YTHDC2: variants seen among roughly 807,000 people sequenced by gnomAD.
YTHDC2 encodes the protein 3'-5' RNA helicase YTHDC2.
In YTHDC2, 45 loss-of-function variants were observed where a neutral mutation model predicts 174.9. That is an observed-to-expected ratio of 0.26 (90% CI 0.20 to 0.33). The LOEUF (loss-of-function observed/expected upper bound fraction) is 0.33, where lower values mean the gene tolerates loss of function less well. YTHDC2 is among the 10% of genes least tolerant of loss of function. YTHDC2 has a pLI of 1.00. For missense variants in YTHDC2, 1,650 were observed against 1,723.7 expected, an observed-to-expected ratio of 0.96 and a Z score of 0.76; for synonymous variants, 657 against 574.5, an observed-to-expected ratio of 1.14 and a Z score of -2.05.
chr5:113,567,619 C>G, intron 22 of YTHDC2, 35 bp from the exon 23 acceptor site: 2 of 1,501,788 alleles, frequency 1.3e-6, no homozygotes, highest in Non-Finnish European at 1.8e-6. Flanking sequence ...GTGATAAACA[C>G]AATTAACAAT....
rs200712601 is a variant in YTHDC2 at position 113,565,888 on chromosome 5, T to C, written c.2716-5T>C. ...TCTTGTTATGCAATTATTCTCTTTT[T>C]ATAGGCCTGGCAAAAAGCACGAAGT... On this transcript the variant is annotated splice_region_variant and splice_polypyrimidine_tract_variant and intron_variant, in intron 20 of 29. Coordinates refer to ENST00000161863, the MANE Select transcript of YTHDC2 (RefSeq NM_022828.5). 33 of 1,610,734 alleles carry C rather than the reference T, an allele frequency of 2.0e-5. No individual in the cohort carries two copies. The East Asian group carries it at 7.1e-4, about 35-fold the overall frequency.
intron 17 of YTHDC2, among the ~76,000 whole-genome samples, chr5:113,558,878 CGCCAT>C (rs1372955269): frequency 1.8e-3 from 264 of 147,894 alleles, no homozygotes; most frequent in Non-Finnish European, 2.9e-3. Flanking sequence ...GCCGAGACCA[CGCCAT>C]TGCACTCCAG....
rs777084150 is a variant in YTHDC2 at position 113,594,399 on chromosome 5, G to A, written c.*925G>A. On this transcript the variant is annotated 3_prime_UTR_variant, in exon 30 of 30. Coordinates refer to ENST00000161863, the MANE Select transcript of YTHDC2 (RefSeq NM_022828.5). The stretch of plus-strand genomic sequence containing the variant: ...TCAACTGGTAGCTTGCTTGCTGTGC[G>A]TCTTCCAAACTAAAGCCTGCAAGCG... 2 of 152,140 alleles carry A rather than the reference G, an allele frequency of 1.3e-5. No homozygotes were observed. Among genetic ancestry groups the A allele is most frequent in the African/African-American group, 2.4e-5 (1 of 41,440 alleles). 9.4% of individuals were successfully genotyped at this position (152,140 alleles called of 1,614,324 possible).
At chr5:113,544,959 C>G (rs1775754978) in intron 10 of YTHDC2, among the ~76,000 whole-genome samples, 1 of 152,008 alleles carries the variant, frequency 6.6e-6, no homozygotes, top group South Asian at 2.1e-4. Context: ...TTTTTTTAAA[C>G]TTACGATTTT....
intron 27 of YTHDC2, 24 bp downstream of exon 27, chr5:113,591,268 A>C (rs1196277875): frequency 6.2e-7 from 1 of 1,612,168 alleles, no homozygotes; most frequent in Admixed American, 1.7e-5. Flanking sequence ...AATCAGTAAA[A>C]TGGGGTTGTT....
At position 113,584,369 on chromosome 5, in the gene YTHDC2, C is replaced by T. The variant is rs1423174268; in HGVS notation, c.3715C>T (p.His1239Tyr). 5 of 1,613,854 alleles carry T rather than the reference C, an allele frequency of 3.1e-6. No individual in the cohort carries two copies. The highest frequency in any genetic ancestry group is 4.2e-6 in the Non-Finnish European group (5 of 1,179,832). ...PQKYKDRGIL[H>Y]PKRGTEDRSD... ...GAAGTACAAAGATAGAGGAATTTTA[C>T]ATCCTAAACGAGGTACTGAGGACCG... The change falls in exon 26 of 30, where the codon CAT (histidine) becomes TAT (tyrosine). Residue 1239 changes from histidine (H) to tyrosine (Y), a missense_variant. Physicochemically the swap from His to Tyr is moderately conservative, Grantham distance 83. Transcript: ENST00000161863.
Position 113,553,977 on chromosome 5 carries a change from A to G in YTHDC2, c.2088A>G (p.Thr696=). Residue 696 remains threonine (T), a synonymous_variant, in exon 16 of 30, where the codon ACA becomes ACG. Coordinates refer to ENST00000161863, the MANE Select transcript of YTHDC2 (RefSeq NM_022828.5). ...CCAATATTGCTGAAACCAGCATCAC[A>G]GTCAATGATGTTGTCTTTGTTATTG... ...LSTNIAETSI[T]VNDVVFVIDS... 6.3e-7 allele frequency: 1 copy of G among 1,586,554 alleles called. No homozygotes were observed. The highest frequency in any genetic ancestry group is 8.6e-7 in the Non-Finnish European group (1 of 1,168,338).
chr5:113,521,102 T>C lies in YTHDC2; in HGVS notation c.279-3879T>C, dbSNP rs114073807. Among the ~76,000 whole-genome samples the C allele has an allele frequency of 6.5e-3, 992 of 152,340 alleles. 7 individuals are homozygous for C. The highest frequency in any genetic ancestry group is 0.022 in the African/African-American group (924 of 41,574). On this transcript the variant is annotated intron_variant, in intron 2 of 29. Coordinates refer to ENST00000161863, the MANE Select transcript of YTHDC2 (RefSeq NM_022828.5). ...TGCAAAGGACATGGTCTCATTCTTT[T>C]GTATGGCTGCATAGTATTCCATGGT...
chr5:113,550,727 A>T (rs556717198), intron 12 of YTHDC2, among the ~76,000 whole-genome samples: 1 of 152,182 alleles, frequency 6.6e-6, no homozygotes, highest in African/African-American at 2.4e-5. Context: ...AGTTTTTGTT[A>T]TAACTTCTAT....
At chr5:113,576,623 C>T (rs1047138603) in intron 23 of YTHDC2, among the ~76,000 whole-genome samples, 39 of 152,138 alleles carry the variant, frequency 2.6e-4, no homozygotes, top group African/African-American at 9.4e-4. Context: ...TTTAAAGATT[C>T]CTTCATTTGC....
intron 23 of YTHDC2, among the ~76,000 whole-genome samples, chr5:113,568,962 C>T (rs1777537986): frequency 6.6e-6 from 1 of 152,140 alleles, no homozygotes; most frequent in Admixed American, 6.6e-5. Context: ...AATTAATTTA[C>T]ACTAGTGTAA....
At chr5:113,574,795 A>C (rs2112767112) in intron 23 of YTHDC2, among the ~76,000 whole-genome samples, 1 of 130,964 alleles carries the variant, frequency 7.6e-6, no homozygotes, top group Non-Finnish European at 1.5e-5. Flanking sequence ...CCAGGGCCAG[A>C]GTATGTAAAA....
At chr5:113,569,977 T>A (rs1777608490) in intron 23 of YTHDC2, among the ~76,000 whole-genome samples, 1 of 152,204 alleles carries the variant, frequency 6.6e-6, no homozygotes, top group Non-Finnish European at 1.5e-5. Flanking sequence ...GCATGGAACG[T>A]TTTTCCATTT....
rs1428106098 is a variant in YTHDC2, at chr5:113,591,042, G to T, written c.3827G>T (p.Gly1276Val). The T allele has an allele frequency of 1.7e-5, 27 of 1,612,834 alleles. No individual in the cohort carries two copies. Among genetic ancestry groups the T allele is most frequent in the Admixed American group, 3.3e-5 (2 of 59,872 alleles). Residue 1276 changes from glycine to valine, a missense_variant and splice_region_variant, in exon 27 of 30, where the codon GGC becomes GTC. Gly to Val is a moderately radical substitution (Grantham distance 109). Around this residue, in one of 5 missense-constraint regions of YTHDC2, gnomAD observed 913 missense variants for 940.4 expected, o/e 0.97. Coordinates refer to ENST00000161863, the MANE Select transcript of YTHDC2 (RefSeq NM_022828.5). Reference protein sequence around the residue: ...ASPSPPSSGKGSKSPSPRPNM... With the variant: ...ASPSPPSSGKVSKSPSPRPNM... ...AAGAACTTATGTTTTCTTTTATAGG[G>T]CTCAAAATCTCCTTCGCCAAGACCA... is the stretch of plus-strand genomic sequence containing the variant.
At chr5:113,526,564 G>A (rs372904341) in intron 3 of YTHDC2, 22 bp from the exon 4 acceptor site, 81 of 1,531,698 alleles carry the variant, frequency 5.3e-5, no homozygotes, top group Non-Finnish European at 6.9e-5. Flanking sequence ...TACATTTTTT[G>A]TTCTTTTATT....
chr5:113,577,635 G>T (rs1447071528), intron 23 of YTHDC2, among the ~76,000 whole-genome samples: 1 of 152,178 alleles, frequency 6.6e-6, no homozygotes, highest in East Asian at 1.9e-4. Context: ...CTCCCAAAGT[G>T]TTGGGATTAC....
chr5:113,575,486 T>G (rs1777982651), intron 23 of YTHDC2, among the ~76,000 whole-genome samples: 1 of 152,134 alleles, frequency 6.6e-6, no homozygotes, highest in Non-Finnish European at 1.5e-5. Context: ...TGAGAAGACT[T>G]AAACTGAGAC....
At chr5:113,522,707 A>G (rs1194403693) in intron 2 of YTHDC2, among the ~76,000 whole-genome samples, 1 of 152,184 alleles carries the variant, frequency 6.6e-6, no homozygotes, top group African/African-American at 2.4e-5. Context: ...ACGTAGTATG[A>G]CAAATTTCTA....
rs200397666 is a variant in YTHDC2 at position 113,515,310 on chromosome 5, G to T, written c.226G>T (p.Ala76Ser). ...TTCTTCTTTGACCAGTACTGAAAGA[G>T]CCTTTATTCATCGACTCAGTCAGTC... ...FPSSLTSTER[A>S]FIHRLSQSLG... The change falls in exon 2 of 30, where the codon GCC (alanine) becomes TCC (serine). Residue 76 changes from alanine to serine, a missense_variant. Physicochemically the swap from Ala to Ser is moderately conservative, Grantham distance 99 (BLOSUM62 1). Around this residue, in one of 5 missense-constraint regions of YTHDC2, gnomAD observed 304 missense variants for 341.4 expected, o/e 0.89. Transcript: ENST00000161863. The T allele has an allele frequency of 8.1e-6, 13 of 1,612,826 alleles. No homozygotes were observed. In the East Asian group the frequency reaches 1.8e-4, roughly 22 times the overall value.
Sources: allele counts gnomAD v4.1 joint callset (sites outside exome capture counted in the v4.1 genomes callset), GRCh38; gene constraint gnomAD v4.1.1; regional missense constraint gnomAD v4.1.1; transcripts MANE v1.5; gene names NCBI Gene and HGNC (gene_info 2026-07-23, HGNC 2026-07-21).